The following PMS2 variants were observed in gnomAD, a reference collection of about 807,000 sequenced individuals.
PMS2 encodes the protein PMS1 homolog 2, mismatch repair system component, also known as mismatch repair endonuclease PMS2.
Under a neutral mutation model 90.0 loss-of-function variants are expected in PMS2, and 69 were observed. The observed-to-expected ratio is 0.77, with a 90% confidence interval of 0.63 to 0.94. The LOEUF is 0.94. Among genes scored for constraint, PMS2 ranks in the 40% least tolerant of loss-of-function variants. PMS2 has a pLI of 0.00. For synonymous variants in PMS2, 332 were observed against 375.1 expected (o/e 0.89, Z 1.33); for missense variants, 966 against 1,040.2 (o/e 0.93, Z 0.98).
At chr7:6,000,476 C>A (rs1156542856) in intron 5 of PMS2, among the ~76,000 whole-genome samples, 4 of 150,648 alleles carry the variant, frequency 2.7e-5, no homozygotes, top group African/African-American at 9.8e-5. Context: ...ATTATATTAA[C>A]TTATGAATTT....
At position 6,007,175 on chromosome 7, in the gene PMS2, G is replaced by A. The variant is rs7797472; in HGVS notation, c.24-1144C>T. Among the ~76,000 whole-genome samples the A allele has an allele frequency of 9.7e-3, 1,478 of 151,950 alleles. 25 individuals are homozygous for A. The highest frequency in any genetic ancestry group is 0.034 in the African/African-American group (1,413 of 41,440). On this transcript the variant is annotated intron_variant, in intron 1 of 14. Coordinates refer to ENST00000265849, the MANE Select transcript of PMS2 (RefSeq NM_000535.7). ...CCGTTGCCTATGCTAGAGGGCAATG[G>A]CATGAGCTCAGCTCACTGCAACCTC...
chr7:6,000,244 C>T (rs1023304641), intron 5 of PMS2, among the ~76,000 whole-genome samples: 5 of 151,864 alleles, frequency 3.3e-5, no homozygotes, highest in East Asian at 3.9e-4. Flanking sequence ...CATGGTAGCA[C>T]GGGCCTGGAG....
At chr7:5,992,728 G>T (rs1384536537) in intron 8 of PMS2, among the ~76,000 whole-genome samples, 1 of 152,138 alleles carries the variant, frequency 6.6e-6, no homozygotes, top group Non-Finnish European at 1.5e-5. Flanking sequence ...ACAAACACCT[G>T]TGAAACTATC....
chr7:6,005,763 A>C, intron 2 of PMS2, 129 bp downstream of exon 2: 2 of 1,434,970 alleles, frequency 1.4e-6, no homozygotes, highest in Non-Finnish European at 9.7e-7. Flanking sequence ...ATAGGTGCTA[A>C]CTTCAACTTA....
intron 10 of PMS2, among the ~76,000 whole-genome samples, chr7:5,989,009 C>T (rs1172827548): frequency 6.6e-6 from 1 of 152,034 alleles, no homozygotes; most frequent in African/African-American, 2.4e-5. Flanking sequence ...GCGCCCGCCA[C>T]CACGCCCGGC....
chr7:6,007,979 C>T (rs1583428844), intron 1 of PMS2, among the ~76,000 whole-genome samples: 1 of 151,800 alleles, frequency 6.6e-6, no homozygotes, highest in Non-Finnish European at 1.5e-5. Flanking sequence ...CCTGCCTCAG[C>T]CTCCAAAGTA....
chr7:5,987,388 T>C lies in PMS2; in HGVS notation c.1377A>G (p.Ser459=). 1.2e-6 allele frequency: 2 copies of C among 1,614,196 alleles called. No individual in the cohort carries two copies. The highest frequency in any genetic ancestry group is 1.7e-6 in the Non-Finnish European group (2 of 1,180,036). ...QKRGMLSSST[S]GAISDKGVLR... ...GGACGCCTTTGTCAGAGATGGCACC[T>C]GAAGTGCTAGAAGACAGCATACCCC... The change falls in exon 11 of 15, where the codon TCA becomes TCG. Residue 459 remains serine, a synonymous_variant. Transcript: ENST00000265849.
intron 8 of PMS2, among the ~76,000 whole-genome samples, chr7:5,994,787 A>G (rs1784195081): frequency 6.6e-6 from 1 of 151,944 alleles, no homozygotes; most frequent in Non-Finnish European, 1.5e-5. Flanking sequence ...AAAAAAAAAA[A>G]GAAAGAAAAG....
Position 5,993,421 on chromosome 7 carries a change from G to A in PMS2, c.904-1364C>T, listed in dbSNP as rs1207941341. ...AAAGAAAAAAAAACAAAATATTACT[G>A]AGGTACAATGTGTTGCTAAGATACA... On this transcript the variant is annotated intron_variant, in intron 8 of 14. Coordinates refer to ENST00000265849, the MANE Select transcript of PMS2 (RefSeq NM_000535.7). Among the ~76,000 whole-genome samples, 3 of 9,238 alleles carry A rather than the reference G, an allele frequency of 3.2e-4. No homozygotes were observed. The Admixed American group carries it at 3.6e-3, about 11-fold the overall frequency. The allele number at this position is 9,238 out of a possible 152,430, so 6.1% of individuals were successfully genotyped here. A position where few individuals can be genotyped will look rare whatever the true frequency, so the allele number is the denominator to read the frequency against.
intron 10 of PMS2, among the ~76,000 whole-genome samples, chr7:5,989,529 A>G (rs1679700953): frequency 6.6e-6 from 1 of 152,004 alleles, no homozygotes; most frequent in South Asian, 2.1e-4. Flanking sequence ...ACAGTTTACA[A>G]AAAACTAGAG....
intron 14 of PMS2, among the ~76,000 whole-genome samples, chr7:5,976,989 C>T (rs1204033320): frequency 1.6e-5 from 2 of 121,508 alleles, no homozygotes; most frequent in South Asian, 2.6e-4. Flanking sequence ...TGTGATTGTG[C>T]CACTGCACTC....
At chr7:5,996,157 G>T (rs534543343) in intron 7 of PMS2, among the ~76,000 whole-genome samples, 1 of 152,134 alleles carries the variant, frequency 6.6e-6, no homozygotes, top group Non-Finnish European at 1.5e-5. Context: ...TTCACATAAA[G>T]ACATAAAGCT....
chr7:5,989,696 TAA>T (rs745550366), intron 10 of PMS2, 102 bp downstream of exon 10: 68 of 836,794 alleles, frequency 8.1e-5, no homozygotes, highest in Middle Eastern at 7.0e-4. Context: ...TAAAATAATA[TAA>T]GAGACTTTGT....
At position 5,989,046 on chromosome 7, in the gene PMS2, A is replaced by G. The variant is rs538409639; in HGVS notation, c.1144+754T>C. On this transcript the variant is annotated intron_variant, in intron 10 of 14. Coordinates refer to ENST00000265849, the MANE Select transcript of PMS2 (RefSeq NM_000535.7). ...AATTTTTTGTATTTTTAGTAGAGAC[A>G]GAGTTTCACCGTGTTAGATAGTCTC... Among the ~76,000 whole-genome samples, 58 of 152,154 alleles carry G rather than the reference A, an allele frequency of 3.8e-4. 2 individuals carry two copies. Among genetic ancestry groups the G allele is most frequent in the South Asian group, 6.2e-4 (3 of 4,832 alleles).
At chr7:6,006,588 G>C (rs1473116254) in intron 1 of PMS2, among the ~76,000 whole-genome samples, 1 of 152,038 alleles carries the variant, frequency 6.6e-6, no homozygotes, top group Non-Finnish European at 1.5e-5. Flanking sequence ...AGGAGGCGGA[G>C]GTTGCAGTGA....
intron 7 of PMS2, among the ~76,000 whole-genome samples, chr7:5,996,588 A>ATATAT (rs1554301127): frequency 2.2e-5 from 2 of 89,416 alleles, no homozygotes; most frequent in African/African-American, 1.4e-4. Context: ...AAAAAAAAAA[A>ATATAT]AAATATATAT....
At position 5,982,929 on chromosome 7, in the gene PMS2, T is replaced by C. The variant is rs876661164; in HGVS notation, c.2069A>G (p.Lys690Arg). 1.9e-6 allele frequency: 3 copies of C among 1,592,098 alleles called. No homozygotes were observed. The highest frequency in any genetic ancestry group is 1.7e-6 in the Non-Finnish European group (2 of 1,166,040). ...CACTATGAAGATATCCTCATTCAGTTTGGTTATTATAAATCCCAGGTTAAA... is the reference window on the plus strand; with the variant it reads ...CACTATGAAGATATCCTCATTCAGTCTGGTTATTATAAATCCCAGGTTAAA... ...GQFNLGFIIT[K>R]LNEDIFIVDQ... The change falls in exon 12 of 15, where the codon AAA becomes AGA. Residue 690 changes from lysine to arginine, a missense_variant. Lys to Arg is a conservative substitution (Grantham distance 26, BLOSUM62 2). Transcript: ENST00000265849.
chr7:6,003,653 T>A, intron 4 of PMS2, 37 bp downstream of exon 4: 1 of 1,070,416 alleles, frequency 9.3e-7, no homozygotes, highest in Admixed American at 1.7e-5. Context: ...GAGGTTTCTC[T>A]AAGGGGTCAA....
At position 5,979,068 on chromosome 7, in the gene PMS2, C is replaced by T. The variant is rs569533516; in HGVS notation, c.2175-372G>A. On this transcript the variant is annotated intron_variant, in intron 12 of 14. Coordinates refer to ENST00000265849, the MANE Select transcript of PMS2 (RefSeq NM_000535.7). ...AAATTAGGCCAGGCATGGTGGCGCA[C>T]GCCTGTAGTCCCAGCTACTTGGGAG... Among the ~76,000 whole-genome samples the T allele has an allele frequency of 1.1e-3, 165 of 147,974 alleles. 5 individuals carry two copies. Among genetic ancestry groups the T allele is most frequent in the African/African-American group, 3.9e-3 (152 of 39,300 alleles).
Sources: allele counts gnomAD v4.1 joint callset (sites outside exome capture counted in the v4.1 genomes callset), GRCh38; gene constraint gnomAD v4.1.1; transcripts MANE v1.5; gene names NCBI Gene and HGNC (gene_info 2026-07-23, HGNC 2026-07-21).